Variants in ATG13 observed in about 807,000 individuals in gnomAD.
ATG13 encodes autophagy-related protein 13.
In ATG13, 23 loss-of-function variants were observed where a neutral mutation model predicts 65.5. The ratio of observed to expected loss-of-function variants is 0.35; its 90% confidence interval spans 0.25 to 0.50. The LOEUF is 0.50. Among genes scored for constraint, ATG13 ranks in the 20% least tolerant of loss-of-function variants. The probability of loss-of-function intolerance (pLI) is 0.98; values close to 1 mark genes in which losing one functional copy is unlikely to be tolerated. For missense variants in ATG13, 566 were observed against 677.0 expected, an observed-to-expected ratio of 0.84 and a Z score of 1.82; for synonymous variants, 252 against 245.2, an observed-to-expected ratio of 1.03 and a Z score of -0.26.
At chr11:46,623,596 T>G (rs2048468551) in intron 1 of ATG13, among the ~76,000 whole-genome samples, 1 of 151,686 alleles carries the variant, frequency 6.6e-6, no homozygotes, top group Non-Finnish European at 1.5e-5. Context: ...CCCGGCTAAT[T>G]TTTGTATTTT....
At chr11:46,672,146 C>A in intron 18 of ATG13, 109 bp from the exon 19 acceptor site, 2 of 1,556,976 alleles carry the variant, frequency 1.3e-6, no homozygotes. Context: ...CTCGGCCCAG[C>A]TAGGGCTGAG....
rs1194770633 is a variant in ATG13 at position 46,667,558 on chromosome 11, TTAG to T, written c.1137-210_1137-208del. 3.3e-5 allele frequency among the ~76,000 whole-genome samples: 5 copies of T among 152,186 alleles called. No individual in the cohort carries two copies. In the East Asian group the frequency reaches 9.7e-4, roughly 29 times the overall value. On this transcript the variant is annotated intron_variant, in intron 14 of 18. Coordinates refer to ENST00000683050, the MANE Select transcript of ATG13 (RefSeq NM_001346311.2). ...TAAAGAAGAAGAAAAGCTAGAAATT[TTAG>T]TAGTTCCAGGAAGTGCAGCCCTCTA...
intron 6 of ATG13, 125 bp from the exon 7 acceptor site, chr11:46,650,052 A>T: frequency 9.5e-7 from 1 of 1,053,006 alleles, no homozygotes; most frequent in Non-Finnish European, 1.3e-6. Flanking sequence ...TTACCTCAGT[A>T]ATCTGTTGAT....
At position 46,669,515 on chromosome 11, in the gene ATG13, T is replaced by A. The variant is rs2063216062; in HGVS notation, c.1558T>A (p.Ser520Thr). 4 of 1,614,066 alleles carry A rather than the reference T, an allele frequency of 2.5e-6. No homozygotes were observed. The highest frequency in any genetic ancestry group is 3.4e-6 in the Non-Finnish European group (4 of 1,179,968). ...CCTCTCCATAGATATTGGAGCACAG[T>A]CCATGGCTGAAGACTTGGTATGGAA... is the stretch of plus-strand genomic sequence containing the variant. ...SSLSIDIGAQ[S>T]MAEDLDSLPE... is the part of the protein sequence containing the mutation. Residue 520 changes from serine to threonine, a missense_variant, in exon 18 of 19, where the codon TCC becomes ACC. This residue lies in a region of ATG13 where 387 missense variants were observed against 409.8 expected (regional missense o/e 0.94). Coordinates refer to ENST00000683050, the MANE Select transcript of ATG13 (RefSeq NM_001346311.2).
At chr11:46,649,032 CT>C (rs375774792) in intron 5 of ATG13, 104 bp from the exon 6 acceptor site, 10,690 of 795,368 alleles carry the variant, frequency 0.013, 9 homozygotes, top group South Asian at 0.018. Flanking sequence ...GATATCTATT[CT>C]TTTTTTTTTG....
intron 8 of ATG13, 35 bp downstream of exon 8, chr11:46,656,308 C>G: frequency 1.3e-6 from 2 of 1,579,952 alleles, no homozygotes; most frequent in Non-Finnish European, 1.7e-6. Context: ...TCGTAGTGTT[C>G]AGAGCTCTCC....
chr11:46,644,480 A>G lies in ATG13; in HGVS notation c.69+120A>G, dbSNP rs1014808997. On this transcript the variant is annotated intron_variant, in intron 3 of 18. Transcript: ENST00000683050. Reference sequence around the variant, plus strand: ...GCTTGCAGCTTGCCCATTTTAAGGGATACTTCTGTCTGTTGTCAACCAAAC... The same window carrying G: ...GCTTGCAGCTTGCCCATTTTAAGGGGTACTTCTGTCTGTTGTCAACCAAAC... The G allele has an allele frequency of 4.8e-6, 4 of 825,752 alleles. No homozygotes were observed. The African/African-American group carries it at 6.9e-5, about 14-fold the overall frequency. The allele number at this position is 825,752 out of a possible 1,614,324, so 51.2% of individuals were successfully genotyped here. A position where few individuals can be genotyped will look rare whatever the true frequency, so the allele number is the denominator to read the frequency against.
intron 7 of ATG13, among the ~76,000 whole-genome samples, chr11:46,650,614 T>C (rs1354317588): frequency 1.3e-5 from 2 of 152,220 alleles, no homozygotes; most frequent in Non-Finnish European, 2.9e-5. Context: ...TTTATTTATT[T>C]ATTTATTTAG....
chr11:46,639,074 G>A (rs569395721), intron 2 of ATG13, among the ~76,000 whole-genome samples: 135 of 152,060 alleles, frequency 8.9e-4, no homozygotes, highest in African/African-American at 3.2e-3. Flanking sequence ...TGCAACCTCT[G>A]CCTCCCGGGT....
At chr11:46,656,938 C>T in intron 8 of ATG13, 157 bp from the exon 9 acceptor site, 9 of 663,780 alleles carry the variant, frequency 1.4e-5, no homozygotes, top group Non-Finnish European at 2.4e-5. Context: ...TACACACACA[C>T]ACACACACAC....
Position 46,659,470 on chromosome 11 carries a change from C to T in ATG13, c.774C>T (p.Thr258=). 2 of 1,613,622 alleles carry T rather than the reference C, an allele frequency of 1.2e-6. No individual in the cohort carries two copies. Among genetic ancestry groups the T allele is most frequent in the East Asian group, 4.5e-5 (2 of 44,890 alleles). Residue 258 remains threonine (T), a synonymous_variant, in exon 11 of 19, where the codon ACC becomes ACT. Coordinates refer to ENST00000683050, the MANE Select transcript of ATG13 (RefSeq NM_001346311.2). ...AAGTGTGTACCACCTCTTTTTCCACCTCCCCACCATCCCAGGTAGGGGGAA... is the reference window on the plus strand; with the variant it reads ...AAGTGTGTACCACCTCTTTTTCCACTTCCCCACCATCCCAGGTAGGGGGAA... ...SQEVCTTSFS[T]SPPSQCVFTV...
At position 46,617,606 on chromosome 11, in the gene ATG13, C is replaced by A. The variant is rs1398915083; in HGVS notation, c.-354C>A. ...CACTAACGATGGCGGCGCCGGGAAG[C>A]GACCGGCTGCTGGGCTTAAGGCGGG... is the stretch of plus-strand genomic sequence containing the variant. On this transcript the variant is annotated 5_prime_UTR_variant, in exon 1 of 19. Coordinates refer to ENST00000683050, the MANE Select transcript of ATG13 (RefSeq NM_001346311.2). The A allele has an allele frequency of 4.3e-6, 1 of 232,428 alleles. No homozygotes were observed. Among genetic ancestry groups the A allele is most frequent in the East Asian group, 7.6e-5 (1 of 13,088 alleles). The allele number at this position is 232,428 out of a possible 1,614,324, so 14.4% of individuals were successfully genotyped here.
intron 18 of ATG13, 52 bp from the exon 19 acceptor site, chr11:46,672,203 C>T: frequency 6.2e-7 from 1 of 1,612,940 alleles, no homozygotes; most frequent in East Asian, 2.2e-5. Flanking sequence ...GGCTGGCTGC[C>T]TCCTCAAGGC....
intron 1 of ATG13, among the ~76,000 whole-genome samples, chr11:46,621,377 T>A (rs1213093604): frequency 6.6e-6 from 1 of 152,186 alleles, no homozygotes; most frequent in East Asian, 1.9e-4. Flanking sequence ...GTTTATAAAA[T>A]GATGAATTTG....
intron 10 of ATG13, among the ~76,000 whole-genome samples, chr11:46,658,216 G>A (rs961981291): frequency 1.1e-4 from 17 of 152,216 alleles, no homozygotes; most frequent in Non-Finnish European, 2.4e-4. Flanking sequence ...AATGTCTCCA[G>A]GTCTAGAACT....
At chr11:46,660,854 A>G (rs916095086) in intron 11 of ATG13, among the ~76,000 whole-genome samples, 2 of 150,558 alleles carry the variant, frequency 1.3e-5, no homozygotes, top group Non-Finnish European at 2.9e-5. Context: ...GACTATAGGC[A>G]TATGCCACCA....
chr11:46,620,680 CAA>C (rs1230403383), intron 1 of ATG13, among the ~76,000 whole-genome samples: 5 of 151,792 alleles, frequency 3.3e-5, no homozygotes, highest in East Asian at 4.0e-4. Context: ...GAGGCTGAGA[CAA>C]GAGAATCGCT....
chr11:46,625,961 C>T (rs566864210), intron 1 of ATG13, among the ~76,000 whole-genome samples: 2 of 151,914 alleles, frequency 1.3e-5, no homozygotes, highest in African/African-American at 2.4e-5. Context: ...TTGTTTCTTT[C>T]GTTTGTTTGT....
rs1165938070 is a variant in ATG13 at position 46,650,332 on chromosome 11, T to C, written c.458+15T>C. On this transcript the variant is annotated intron_variant, in intron 7 of 18. Transcript: ENST00000683050. ...ATATTATACAGGTAAACAGCATAGA[T>C]GGTCATCTTGATTCACTCATCAACC... 1.2e-6 allele frequency: 2 copies of C among 1,606,742 alleles called. No homozygotes were observed. The highest frequency in any genetic ancestry group is 3.3e-5 in the Admixed American group (2 of 59,750).
Sources: allele counts gnomAD v4.1 joint callset (sites outside exome capture counted in the v4.1 genomes callset), GRCh38; gene constraint gnomAD v4.1.1; regional missense constraint gnomAD v4.1.1; transcripts MANE v1.5; gene names NCBI Gene and HGNC (gene_info 2026-07-23, HGNC 2026-07-21).